The following DSP variants were observed in gnomAD, a reference collection of about 807,000 sequenced individuals.
DSP encodes desmoplakin, also known as 250/210 kDa paraneoplastic pemphigus antigen.
In DSP, 114 loss-of-function variants were observed where a neutral mutation model predicts 290.6. That is an observed-to-expected ratio of 0.39 (90% CI 0.34 to 0.46). DSP has a LOEUF of 0.46. DSP is among the 20% of genes least tolerant of loss of function. The probability of loss-of-function intolerance (pLI) is 0.99; values close to 1 mark genes in which losing one functional copy is unlikely to be tolerated. For synonymous variants in DSP, 1,311 were observed against 1,316.4 expected, an observed-to-expected ratio of 1.00 and a Z score of 0.09; for missense variants, 3,230 against 3,495.8, an observed-to-expected ratio of 0.92 and a Z score of 1.92.
intron 8 of DSP, 135 bp downstream of exon 8, chr6:7,566,616 AC>A: frequency 1.4e-6 from 1 of 731,996 alleles, no homozygotes; most frequent in Non-Finnish European, 2.3e-6. Flanking sequence ...AATACCCTAC[AC>A]CAGGGGTTGG....
rs770324205 is a variant in DSP, at chr6:7,585,101, G to A, written c.7839G>A (p.Leu2613=). Residue 2613 remains leucine (L), a synonymous_variant, in exon 24 of 24, where the codon CTG becomes CTA. Coordinates refer to ENST00000379802, the MANE Select transcript of DSP (RefSeq NM_004415.4). ...GGAGCAGCTCTTTTTCAGACACCCTGGAAGAATCGAGCCCCATTGCAGCCA... is the reference window on the plus strand; with the variant it reads ...GGAGCAGCTCTTTTTCAGACACCCTAGAAGAATCGAGCCCCATTGCAGCCA... ...TIRSSSFSDT[L]EESSPIAAIF... The A allele has an allele frequency of 3.1e-6, 5 of 1,614,144 alleles. No individual in the cohort carries two copies. Among genetic ancestry groups the A allele is most frequent in the Non-Finnish European group, 4.2e-6 (5 of 1,180,028 alleles).
Position 7,579,305 on chromosome 6 carries a change from G to T in DSP, c.3115G>T (p.Glu1039Ter). 1 of 1,614,170 alleles carries T rather than the reference G, an allele frequency of 6.2e-7. No individual in the cohort carries two copies. The highest frequency in any genetic ancestry group is 8.5e-7 in the Non-Finnish European group (1 of 1,180,020). Residue 1039 changes from glutamate (E) to a stop codon, truncating the protein, a stop_gained, in exon 23 of 24, where the codon GAG (glutamate) becomes TAG (stop). Coordinates refer to ENST00000379802, the MANE Select transcript of DSP (RefSeq NM_004415.4). LOFTEE classifies it high-confidence loss of function. This position sits in a 1 kb window ranked among gnomAD's most constrained non-coding sequence, Gnocchi z 4.1. ...LKNTKIEVLE[E>*]ELRLARDANS... Reference sequence around the variant, plus strand: ...AAATACCAAGATCGAAGTTTTGGAAGAGGAGCTCAGACTGGCCCGAGATGC... The same window carrying T: ...AAATACCAAGATCGAAGTTTTGGAATAGGAGCTCAGACTGGCCCGAGATGC...
In DSP at chr6:7,571,974, T is replaced by G; in HGVS notation, c.2036T>G (p.Ile679Arg). 3 of 1,614,180 alleles carry G rather than the reference T, an allele frequency of 1.9e-6. No homozygotes were observed. The highest frequency in any genetic ancestry group is 2.5e-6 in the Non-Finnish European group (3 of 1,180,026). The change falls in exon 15 of 24, where the codon ATA becomes AGA. Residue 679 changes from isoleucine to arginine, a missense_variant. Physicochemically the swap from Ile to Arg is moderately conservative, Grantham distance 97. Transcript: ENST00000379802. ...GAGCTGCAGAAGATTCGCAGGCAGATAGAGCACTGCGAGGGCAGGATGACT... is the reference window on the plus strand; with the variant it reads ...GAGCTGCAGAAGATTCGCAGGCAGAGAGAGCACTGCGAGGGCAGGATGACT... ...LMELQKIRRQIEHCEGRMTLK... is the reference protein window; with the variant it reads ...LMELQKIRRQREHCEGRMTLK...
At chr6:7,551,919 T>G (rs561340846) in intron 1 of DSP, among the ~76,000 whole-genome samples, 1 of 152,306 alleles carries the variant, frequency 6.6e-6, no homozygotes, top group Admixed American at 6.5e-5. Context: ...GGTATATACC[T>G]AGTTCCTTTT....
chr6:7,562,475 G>A (rs1390105693), intron 4 of DSP, 177 bp from the exon 5 acceptor site: 2 of 1,030,754 alleles, frequency 1.9e-6, no homozygotes, highest in Admixed American at 1.8e-5. Context: ...GTTGAGGGAA[G>A]TATTTGGCAA....
At position 7,581,495 on chromosome 6, in the gene DSP, C is replaced by A. The variant is rs946445410; in HGVS notation, c.5305C>A (p.Leu1769Met). The change falls in exon 23 of 24, where the codon CTG becomes ATG. Residue 1769 changes from leucine (L) to methionine (M), a missense_variant. Leu to Met is a conservative substitution (Grantham distance 15, BLOSUM62 2). Transcript: ENST00000379802. ...SNNRTLELQG[L>M]INDLQREREN... ...CAACCGGACCCTGGAACTGCAGGGG[C>A]TGATTAATGATTTACAGAGAGAGAG... 6.2e-7 allele frequency: 1 copy of A among 1,613,762 alleles called. No homozygotes were observed. Among genetic ancestry groups the A allele is most frequent in the African/African-American group, 1.3e-5 (1 of 74,858 alleles).
intron 13 of DSP, among the ~76,000 whole-genome samples, chr6:7,571,113 TG>T (rs1219334791): frequency 1.3e-5 from 2 of 151,376 alleles, no homozygotes; most frequent in Non-Finnish European, 2.9e-5. Flanking sequence ...GCAGCTTTGC[TG>T]GGCTCTGCTT....
At chr6:7,559,877 G>A (rs944772398) in intron 4 of DSP, among the ~76,000 whole-genome samples, 7 of 152,164 alleles carry the variant, frequency 4.6e-5, no homozygotes, top group African/African-American at 1.7e-4. Flanking sequence ...AGCCATTCTG[G>A]TTTAGGCTCA....
Position 7,541,808 on chromosome 6 carries a change from G to A in DSP, c.-108G>A, listed in dbSNP as rs1050406321. The A allele has an allele frequency of 1.2e-5, 17 of 1,411,318 alleles. No individual in the cohort carries two copies. Among genetic ancestry groups the A allele is most frequent in the Admixed American group, 2.2e-5 (1 of 44,804 alleles). The allele number at this position is 1,411,318 out of a possible 1,614,324, so 87.4% of individuals were successfully genotyped here. ...GACCTCGCGAGCCTTCCGCACTCCC[G>A]CCCGGTTCCCCGGCCGTCCGCCTAT... On this transcript the variant is annotated 5_prime_UTR_variant, in exon 1 of 24. Transcript: ENST00000379802.
Position 7,558,270 on chromosome 6 carries a change from GT to G in DSP, c.422+7del, listed in dbSNP as rs773186570. 1 of 1,613,476 alleles carries G rather than the reference GT, an allele frequency of 6.2e-7. No individual in the cohort carries two copies. Among genetic ancestry groups the G allele is most frequent in the Non-Finnish European group, 8.5e-7 (1 of 1,179,620 alleles). ...TGTGATGCTTACCAGAAAAGGTATT[GT>G]CCACAGAGCATGGATCGGGCAGTCC... On this transcript the variant is annotated splice_region_variant and intron_variant, in intron 3 of 23. Coordinates refer to ENST00000379802, the MANE Select transcript of DSP (RefSeq NM_004415.4).
At chr6:7,561,195 G>A (rs767196447) in intron 4 of DSP, among the ~76,000 whole-genome samples, 30 of 152,088 alleles carry the variant, frequency 2.0e-4, no homozygotes, top group Admixed American at 3.3e-4. Flanking sequence ...CTTGTGATCC[G>A]CCCGCCTTGG....
chr6:7,572,101 C>G, intron 15 of DSP, 33 bp downstream of exon 15: 1 of 1,569,490 alleles, frequency 6.4e-7, no homozygotes, highest in Non-Finnish European at 8.8e-7. Flanking sequence ...CCTGGTTACC[C>G]TGTATATTTT....
intron 1 of DSP, among the ~76,000 whole-genome samples, chr6:7,546,043 C>G (rs897852983): frequency 2.6e-5 from 4 of 152,178 alleles, no homozygotes; most frequent in African/African-American, 4.8e-5. Flanking sequence ...TTGAAAGTCT[C>G]CTCCATTGGA....
At position 7,581,543 on chromosome 6, in the gene DSP, G is replaced by A. The variant is rs528041468; in HGVS notation, c.5353G>A (p.Glu1785Lys). The A allele has an allele frequency of 3.1e-6, 5 of 1,613,872 alleles. No homozygotes were observed. The South Asian group carries it at 5.5e-5, about 18-fold the overall frequency. ...RERENLRQEI[E>K]KFQKQALEAS... ...GAGGGAAAATTTGAGACAGGAAATT[G>A]AGAAATTCCAAAAGCAGGCTTTAGA... The change falls in exon 23 of 24, where the codon GAG (glutamate) becomes AAG (lysine). Residue 1785 changes from glutamate (E) to lysine (K), a missense_variant. By Grantham distance (56) the Glu-to-Lys change is moderately conservative. Coordinates refer to ENST00000379802, the MANE Select transcript of DSP (RefSeq NM_004415.4).
At position 7,585,194 on chromosome 6, in the gene DSP, C is replaced by T. The variant is rs1759607427; in HGVS notation, c.7932C>T (p.Ser2644=). Residue 2644 remains serine (S), a synonymous_variant, in exon 24 of 24, where the codon AGC becomes AGT. Transcript: ENST00000379802. ...TEGIERGIVD[S]ITGQRLLEAQ... ...GTATAGAGCGGGGCATCGTTGACAG[C>T]ATCACGGGTCAGAGGCTTCTGGAGG... is the stretch of plus-strand genomic sequence containing the variant. 2 of 1,614,140 alleles carry T rather than the reference C, an allele frequency of 1.2e-6. No homozygotes were observed. Among genetic ancestry groups the T allele is most frequent in the Non-Finnish European group, 1.7e-6 (2 of 1,180,038 alleles).
At chr6:7,571,119 C>T (rs113383034) in intron 13 of DSP, among the ~76,000 whole-genome samples, 32 of 148,970 alleles carry the variant, frequency 2.1e-4, no homozygotes, top group African/African-American at 7.7e-4. Context: ...TTGCTGGGCT[C>T]TGCTTTACAT....
chr6:7,549,137 G>A (rs1758258861), intron 1 of DSP, among the ~76,000 whole-genome samples: 1 of 145,248 alleles, frequency 6.9e-6, no homozygotes, highest in African/African-American at 2.6e-5. Context: ...GATGTATATA[G>A]AGAGTGTTTA....
Position 7,583,769 on chromosome 6 carries a change from G to C in DSP, c.6507G>C (p.Gln2169His). Residue 2169 changes from glutamine to histidine, a missense_variant, in exon 24 of 24, where the codon CAG (glutamine) becomes CAC (histidine). By Grantham distance (24) the Gln-to-His change is conservative. Around this residue, in one of 5 missense-constraint regions of DSP, gnomAD observed 1,714 missense variants for 1,844.5 expected, o/e 0.93. Coordinates refer to ENST00000379802, the MANE Select transcript of DSP (RefSeq NM_004415.4). The surrounding 1 kb of genome is among the most constrained non-coding windows in gnomAD (Gnocchi z 4.0). Reference protein sequence around the residue: ...YRSLNDPRDSQKNFVDPVTKK... With the variant: ...YRSLNDPRDSHKNFVDPVTKK... ...CCCTGAATGATCCCCGAGATAGTCA[G>C]AAAAACTTTGTGGATCCAGTCACCA... The C allele has an allele frequency of 6.2e-7, 1 of 1,614,148 alleles. No homozygotes were observed. Among genetic ancestry groups the C allele is most frequent in the Non-Finnish European group, 8.5e-7 (1 of 1,180,044 alleles).
At chr6:7,578,363 C>T in intron 21 of DSP, 101 bp from the exon 22 acceptor site, 1 of 1,022,916 alleles carries the variant, frequency 9.8e-7, no homozygotes, top group South Asian at 1.4e-5. Context: ...AGAATTCACT[C>T]TTTATAATTT....
Sources: allele counts gnomAD v4.1 joint callset (sites outside exome capture counted in the v4.1 genomes callset), GRCh38; gene constraint gnomAD v4.1.1; regional missense constraint gnomAD v4.1.1; non-coding constraint Gnocchi (gnomAD v3.1); transcripts MANE v1.5; gene names NCBI Gene and HGNC (gene_info 2026-07-23, HGNC 2026-07-21).